The following CDH18 variants were observed in gnomAD, a reference collection of about 807,000 sequenced individuals.
CDH18 encodes cadherin-18.
In CDH18, 31 loss-of-function variants were observed where a neutral mutation model predicts 67.9. That is an observed-to-expected ratio of 0.46 (90% CI 0.34 to 0.62). The LOEUF (loss-of-function observed/expected upper bound fraction) is 0.62, where lower values mean the gene tolerates loss of function less well. Among genes scored for constraint, CDH18 ranks in the 20% least tolerant of loss-of-function variants. The pLI, the probability that CDH18 is intolerant of heterozygous loss-of-function variation, is 0.01. For missense variants in CDH18, 890 were observed against 975.5 expected (o/e 0.91, Z 1.17); for synonymous variants, 362 against 347.2 (o/e 1.04, Z -0.48).
At chr5:20,148,712 T>G (rs2126557701) in intron 2 of CDH18, among the ~76,000 whole-genome samples, 1 of 151,962 alleles carries the variant, frequency 6.6e-6, no homozygotes, top group Admixed American at 6.5e-5. Context: ...CTAAGGACCA[T>G]AAAACCTTTA....
intron 2 of CDH18, among the ~76,000 whole-genome samples, chr5:19,866,736 G>A (rs1297749147): frequency 1.3e-5 from 2 of 152,024 alleles, no homozygotes; most frequent in African/African-American, 4.8e-5. Context: ...AAGTAACTGG[G>A]TTTGGGCAAT....
At chr5:20,483,215 A>G (rs924248837) in intron 1 of CDH18, among the ~76,000 whole-genome samples, 2 of 152,026 alleles carry the variant, frequency 1.3e-5, no homozygotes, top group African/African-American at 4.8e-5. Context: ...TAACCAAATA[A>G]GTGAGAGATA....
At chr5:20,123,431 A>G (rs1748540891) in intron 2 of CDH18, among the ~76,000 whole-genome samples, 1 of 152,188 alleles carries the variant, frequency 6.6e-6, no homozygotes, top group Non-Finnish European at 1.5e-5. Flanking sequence ...TACCAAATGT[A>G]TAGTCTGAGA....
At chr5:20,061,452 G>A (rs930229791) in intron 2 of CDH18, among the ~76,000 whole-genome samples, 10 of 152,146 alleles carry the variant, frequency 6.6e-5, no homozygotes, top group Middle Eastern at 3.4e-3. Flanking sequence ...TACACACGTC[G>A]TGGCTGTGAC....
chr5:20,334,131 C>CTTTTTTTTTTTTTTTTTTTTT (rs34609844), intron 1 of CDH18, among the ~76,000 whole-genome samples: 2 of 81,654 alleles, frequency 2.4e-5, no homozygotes, highest in African/African-American at 1.0e-4. Context: ...GACTTGAATT[C>CTTTTTTTTTTTTTTTTTTTTT]TTTTTTTTTT....
At chr5:19,524,316 A>G (rs1358546434) in intron 9 of CDH18, among the ~76,000 whole-genome samples, 1 of 149,448 alleles carries the variant, frequency 6.7e-6, no homozygotes, top group Non-Finnish European at 1.5e-5. Context: ...TATTAATTAT[A>G]TATTATATTG....
chr5:19,972,025 T>G (rs1798076499), intron 2 of CDH18, among the ~76,000 whole-genome samples: 1 of 152,038 alleles, frequency 6.6e-6, no homozygotes, highest in African/African-American at 2.4e-5. Flanking sequence ...CTACCATTCT[T>G]TGGTTGTCAA....
chr5:19,923,229 A>G (rs1000611305), intron 2 of CDH18, among the ~76,000 whole-genome samples: 1 of 152,184 alleles, frequency 6.6e-6, no homozygotes, highest in Non-Finnish European at 1.5e-5. Flanking sequence ...AGATATGTGA[A>G]TGATGAAGCC....
chr5:19,966,004 G>T (rs1023329887), intron 2 of CDH18, among the ~76,000 whole-genome samples: 1 of 152,088 alleles, frequency 6.6e-6, no homozygotes, highest in Non-Finnish European at 1.5e-5. Context: ...ATGGTATGTG[G>T]CTTTCATAAA....
chr5:19,657,901 C>G (rs557874106), intron 5 of CDH18, among the ~76,000 whole-genome samples: 1 of 152,066 alleles, frequency 6.6e-6, no homozygotes, highest in Non-Finnish European at 1.5e-5. Context: ...TGTGTGCCAG[C>G]GGCTAAGATT....
intron 1 of CDH18, among the ~76,000 whole-genome samples, chr5:20,529,487 C>T (rs1260993720): frequency 2.6e-5 from 4 of 151,902 alleles, no homozygotes; most frequent in African/African-American, 9.7e-5. Flanking sequence ...GCAAGAATCC[C>T]CAATAAAATA....
chr5:19,745,052 A>G (rs902935782), intron 4 of CDH18, among the ~76,000 whole-genome samples: 5 of 152,168 alleles, frequency 3.3e-5, no homozygotes, highest in Admixed American at 2.6e-4. Context: ...TGTTATTCAC[A>G]TGATAGGTCT....
chr5:19,917,375 A>AG (rs1455960363), intron 2 of CDH18, among the ~76,000 whole-genome samples: 1 of 146,634 alleles, frequency 6.8e-6, no homozygotes, highest in Non-Finnish European at 1.5e-5. Context: ...TGATCAGTGA[A>AG]GGTTTTAGAG....
intron 2 of CDH18, among the ~76,000 whole-genome samples, chr5:20,100,372 A>G (rs1234426462): frequency 1.3e-5 from 2 of 152,182 alleles, no homozygotes; most frequent in Non-Finnish European, 2.9e-5. Context: ...CAATTACAAT[A>G]AAATTGTCAT....
chr5:19,976,863 T>G (rs1798556395), intron 2 of CDH18, among the ~76,000 whole-genome samples: 1 of 152,126 alleles, frequency 6.6e-6, no homozygotes, highest in African/African-American at 2.4e-5. Flanking sequence ...ATTGACATAT[T>G]GTTTTGTAGA....
intron 2 of CDH18, among the ~76,000 whole-genome samples, chr5:20,152,877 A>G (rs2126576979): frequency 6.6e-6 from 1 of 151,808 alleles, no homozygotes; most frequent in East Asian, 1.9e-4. Context: ...TGCATTATCC[A>G]TTGCTTAGTT....
chr5:20,221,688 T>C (rs1187270029), intron 2 of CDH18, among the ~76,000 whole-genome samples: 1 of 152,104 alleles, frequency 6.6e-6, no homozygotes, highest in Admixed American at 6.6e-5. Context: ...CCTAATGTGA[T>C]TATTAGGCAT....
chr5:19,570,202 ACGGG>A (rs1741153915), intron 8 of CDH18, among the ~76,000 whole-genome samples: 1 of 152,028 alleles, frequency 6.6e-6, no homozygotes, highest in Admixed American at 6.6e-5. Flanking sequence ...TTGAAGCAAA[ACGGG>A]CTTTCCTTTG....
intron 2 of CDH18, among the ~76,000 whole-genome samples, chr5:19,884,664 C>G (rs545511118): frequency 6.6e-6 from 1 of 151,630 alleles, no homozygotes; most frequent in Admixed American, 6.6e-5. Flanking sequence ...ATAATATAAA[C>G]GTTTTAAATA....
Sources: gnomAD v4.1 joint callset for allele counts (sites outside exome capture counted in the v4.1 genomes callset) on GRCh38, gnomAD v4.1.1 for gene constraint, MANE v1.5 for transcripts, NCBI Gene and HGNC (gene_info 2026-07-23, HGNC 2026-07-21) for gene names.